OSBPL9: variants seen among roughly 807,000 people sequenced by gnomAD.
The protein encoded by OSBPL9 is oxysterol binding protein like 9, also known as oxysterol-binding protein-related protein 9.
Under a neutral mutation model 106.6 loss-of-function variants are expected in OSBPL9, and 40 were observed. The observed-to-expected ratio is 0.38, with a 90% CI of 0.29 to 0.49. The LOEUF (loss-of-function observed/expected upper bound fraction) is 0.49. Ranked by LOEUF, OSBPL9 falls within the 20% of genes least tolerant of loss-of-function variation. The pLI, the probability that OSBPL9 is intolerant of heterozygous loss-of-function variation, is 0.97. For missense variants in OSBPL9, 609 were observed against 887.2 expected (o/e 0.69, Z 3.98); for synonymous variants, 269 against 295.4 (o/e 0.91, Z 0.92).
chr1:51,685,611 T>C (rs1482849180), intron 3 of OSBPL9, among the ~76,000 whole-genome samples: 1 of 152,202 alleles, frequency 6.6e-6, no homozygotes, highest in Non-Finnish European at 1.5e-5. Context: ...TTGGCCAGGC[T>C]GGTCTCGAAC....
the OSBPL9 span, among the ~76,000 whole-genome samples, chr1:51,525,772 T>A: frequency 6.6e-6 from 1 of 152,250 alleles, no homozygotes; most frequent in African/African-American, 2.4e-5. Context: ...GAATGATCTA[T>A]TTTTATTTAT....
intron 3 of OSBPL9, among the ~76,000 whole-genome samples, chr1:51,680,809 G>T (rs1212858046): frequency 6.6e-6 from 1 of 151,938 alleles, no homozygotes; most frequent in African/African-American, 2.4e-5. Flanking sequence ...GTTAACTAAG[G>T]ATACTTAGAT....
At chr1:51,609,315 C>G (rs1033812565) in intron 2 of OSBPL9, among the ~76,000 whole-genome samples, 6 of 151,234 alleles carry the variant, frequency 4.0e-5, no homozygotes, top group Non-Finnish European at 1.5e-5. Flanking sequence ...CTCAATGCTT[C>G]CTATGCCTTC....
intron 1 of OSBPL9, among the ~76,000 whole-genome samples, chr1:51,636,152 G>GTTTTT (rs35303378): frequency 9.4e-5 from 6 of 64,114 alleles, no homozygotes; most frequent in Non-Finnish European, 1.9e-4. Flanking sequence ...TCTCTCTCTT[G>GTTTTT]TTTTTTTTTT....
At chr1:51,565,233 G>C in the OSBPL9 span, among the ~76,000 whole-genome samples, 1 of 152,260 alleles carries the variant, frequency 6.6e-6, no homozygotes, top group East Asian at 1.9e-4. Context: ...TGTGGTGGGT[G>C]AGGCCCTTCC....
intron 3 of OSBPL9, among the ~76,000 whole-genome samples, chr1:51,672,640 G>A (rs1479262853): frequency 1.3e-5 from 2 of 152,140 alleles, no homozygotes; most frequent in East Asian, 3.8e-4. Context: ...ATGTTTTTAA[G>A]ATTCATCTAT....
At chr1:51,534,653 T>C in the OSBPL9 span, among the ~76,000 whole-genome samples, 1 of 152,224 alleles carries the variant, frequency 6.6e-6, no homozygotes, top group Non-Finnish European at 1.5e-5. Context: ...CACAACTGTG[T>C]TGTCACAGTG....
At chr1:51,666,783 C>G (rs922036668) in intron 2 of OSBPL9, among the ~76,000 whole-genome samples, 1 of 152,118 alleles carries the variant, frequency 6.6e-6, no homozygotes, top group African/African-American at 2.4e-5. Context: ...TTTGAACAGC[C>G]TTGAATGACA....
chr1:51,760,590 C>CT, intron 9 of OSBPL9, 100 bp from the exon 10 acceptor site: 1 of 1,546,698 alleles, frequency 6.5e-7, no homozygotes, highest in East Asian at 2.3e-5. Flanking sequence ...ATCTATATAG[C>CT]TACCCTCAGG....
chr1:51,714,086 G>A lies in OSBPL9; in HGVS notation c.318+7G>A. ...ACATACTCTCCAGCTTCAAGTAAGGGTCTTTACATGGTTTCCAGATAGTTC... is the reference window on the plus strand; with the variant it reads ...ACATACTCTCCAGCTTCAAGTAAGGATCTTTACATGGTTTCCAGATAGTTC... On this transcript the variant is annotated splice_region_variant and intron_variant, in intron 4 of 23. Transcript: ENST00000428468. The A allele has an allele frequency of 1.3e-6, 2 of 1,594,294 alleles. No individual in the cohort carries two copies. Among genetic ancestry groups the A allele is most frequent in the Non-Finnish European group, 1.7e-6 (2 of 1,167,654 alleles).
Position 51,657,136 on chromosome 1 carries a change from A to G in OSBPL9, c.162+5095A>G, listed in dbSNP as rs141909699. ...CTCAAAAATGCTTATTGTTAATTTT[A>G]TGTATTTATGAAAATAATCAGTAAA... is the stretch of plus-strand genomic sequence containing the variant. On this transcript the variant is annotated intron_variant, in intron 2 of 23. Coordinates refer to ENST00000428468, the MANE Select transcript of OSBPL9 (RefSeq NM_024586.6). 5.9e-5 allele frequency among the ~76,000 whole-genome samples: 9 copies of G among 152,354 alleles called. No homozygotes were observed. The East Asian group carries it at 1.2e-3, about 20-fold the overall frequency.
chr1:51,662,501 C>A (rs1570895079), intron 2 of OSBPL9, among the ~76,000 whole-genome samples: 3 of 152,136 alleles, frequency 2.0e-5, no homozygotes, highest in Admixed American at 2.0e-4. Flanking sequence ...GAGGGCACAT[C>A]AGGAAGGTTT....
At chr1:51,706,735 A>G (rs1343504374) in intron 3 of OSBPL9, among the ~76,000 whole-genome samples, 1 of 151,014 alleles carries the variant, frequency 6.6e-6, no homozygotes, top group Non-Finnish European at 1.5e-5. Flanking sequence ...CCCTTTATGC[A>G]CTACTTTAAC....
At chr1:51,760,574 C>G (rs188268749) in intron 9 of OSBPL9, 116 bp from the exon 10 acceptor site, 132 of 1,448,146 alleles carry the variant, frequency 9.1e-5, no homozygotes, top group Non-Finnish European at 9.8e-5. Flanking sequence ...TCATTTTGAT[C>G]AACATATCTA....
At chr1:51,748,702 T>A (rs1668558501) in intron 7 of OSBPL9, among the ~76,000 whole-genome samples, 1 of 152,198 alleles carries the variant, frequency 6.6e-6, no homozygotes, top group Non-Finnish European at 1.5e-5. Flanking sequence ...AAAAAATAAT[T>A]AATTTCTTTG....
chr1:51,594,707 CA>C (rs770885583), intron 1 of OSBPL9, among the ~76,000 whole-genome samples: 16 of 152,226 alleles, frequency 1.1e-4, no homozygotes, highest in Non-Finnish European at 2.1e-4. Flanking sequence ...CAGTGTCACA[CA>C]GCTAGGAGGT....
Position 51,746,718 on chromosome 1 carries a change from T to G in OSBPL9, c.423T>G (p.Asp141Glu). 6.2e-7 allele frequency: 1 copy of G among 1,608,974 alleles called. No homozygotes were observed. The highest frequency in any genetic ancestry group is 8.5e-7 in the Non-Finnish European group (1 of 1,177,400). The change falls in exon 6 of 24, where the codon GAT becomes GAG. Residue 141 changes from aspartate to glutamate, a missense_variant. By Grantham distance (45) the Asp-to-Glu change is conservative. This residue lies in a region of OSBPL9 where 356 missense variants were observed against 505.8 expected (regional missense o/e 0.70). Transcript: ENST00000428468. ...QILIEQLKLF[D>E]DKLQNCKEDE... ...TTTTTAAAATCTTGTAGCTTTTTGA[T>G]GACAAGCTTCAAAACTGCAAAGAAG...
At chr1:51,578,341 G>A (rs1229961692) in intron 1 of OSBPL9, among the ~76,000 whole-genome samples, 4 of 152,102 alleles carry the variant, frequency 2.6e-5, no homozygotes, top group Admixed American at 1.3e-4. Context: ...TTATTTTTCT[G>A]GGTGAACAGT....
chr1:51,691,601 C>CT (rs1318681512), intron 3 of OSBPL9, among the ~76,000 whole-genome samples: 15 of 151,954 alleles, frequency 9.9e-5, no homozygotes, highest in South Asian at 2.1e-4. Flanking sequence ...CTTGCTGTAA[C>CT]TTTTTTTACT....
Sources: gnomAD v4.1 joint callset for allele counts (sites outside exome capture counted in the v4.1 genomes callset) on GRCh38, gnomAD v4.1.1 for gene constraint, gnomAD v4.1.1 regional missense constraint, MANE v1.5 for transcripts, NCBI Gene and HGNC (gene_info 2026-07-23, HGNC 2026-07-21) for gene names.